Variants in LMAN2L observed in about 807,000 individuals in gnomAD.
LMAN2L encodes the protein VIP36-like protein.
Under a neutral mutation model 44.3 loss-of-function variants are expected in LMAN2L, and 30 were observed. That is an observed-to-expected ratio of 0.68 (90% CI 0.51 to 0.92). The LOEUF is 0.92. LMAN2L is among the 40% of genes least tolerant of loss of function. LMAN2L has a pLI of 0.00. For missense variants in LMAN2L, 429 were observed against 446.1 expected, an observed-to-expected ratio of 0.96 and a Z score of 0.35; for synonymous variants, 183 against 171.1, an observed-to-expected ratio of 1.07 and a Z score of -0.54.
intron 4 of LMAN2L, among the ~76,000 whole-genome samples, chr2:96,729,445 T>C (rs1037212749): frequency 1.3e-5 from 2 of 151,954 alleles, no homozygotes; most frequent in Non-Finnish European, 2.9e-5. Context: ...ATTAAGACAA[T>C]ATTTGCAAAG....
intron 4 of LMAN2L, chr2:96,713,251 C>T: frequency 1.2e-6 from 1 of 858,562 alleles, no homozygotes. Flanking sequence ...GATGGATGAA[C>T]AAACCAACTT....
intron 4 of LMAN2L, among the ~76,000 whole-genome samples, chr2:96,725,474 G>A (rs1325670351): frequency 4.1e-5 from 6 of 145,484 alleles, no homozygotes; most frequent in Admixed American, 2.1e-4. Context: ...ACGGAGTCTC[G>A]TTCTGTCACC....
intron 4 of LMAN2L, chr2:96,713,226 C>T: frequency 8.6e-7 from 1 of 1,165,648 alleles, no homozygotes; most frequent in Non-Finnish European, 1.2e-6. Context: ...CACAGAAGAG[C>T]TATGACCCAG....
At chr2:96,739,745 C>T in intron 1 of LMAN2L, 109 bp downstream of exon 1, 1 of 1,148,680 alleles carries the variant, frequency 8.7e-7, no homozygotes, top group South Asian at 1.3e-5. Flanking sequence ...CCACCACCGC[C>T]AGCAGTTTCC....
intron 4 of LMAN2L, among the ~76,000 whole-genome samples, chr2:96,720,831 C>T (rs1285583634): frequency 1.3e-5 from 2 of 151,950 alleles, no homozygotes; most frequent in East Asian, 1.9e-4. Flanking sequence ...CCCAGCTACT[C>T]GGAATGCTGA....
intron 4 of LMAN2L, among the ~76,000 whole-genome samples, chr2:96,713,757 T>C (rs2077978313): frequency 1.3e-5 from 2 of 152,370 alleles, no homozygotes; most frequent in South Asian, 2.1e-4. Context: ...AAATAACTAT[T>C]GTCATTCTAA....
chr2:96,722,335 T>C (rs939979063), intron 4 of LMAN2L, among the ~76,000 whole-genome samples: 4 of 151,930 alleles, frequency 2.6e-5, no homozygotes, highest in Non-Finnish European at 4.4e-5. Flanking sequence ...CTCACCATGA[T>C]GTAGAAATCA....
chr2:96,739,107 C>A (rs553697869), intron 1 of LMAN2L, among the ~76,000 whole-genome samples: 25 of 152,292 alleles, frequency 1.6e-4, no homozygotes, highest in African/African-American at 5.8e-4. Context: ...CTATAAACTT[C>A]TTTAAGAATG....
At chr2:96,731,778 C>G (rs1009507203) in intron 4 of LMAN2L, among the ~76,000 whole-genome samples, 6 of 151,964 alleles carry the variant, frequency 3.9e-5, no homozygotes, top group Non-Finnish European at 8.8e-5. Context: ...TGGTGACAGT[C>G]TTGCTCTGTT....
chr2:96,713,609 C>T (rs994533072), intron 4 of LMAN2L, among the ~76,000 whole-genome samples: 1 of 152,196 alleles, frequency 6.6e-6, no homozygotes, highest in Non-Finnish European at 1.5e-5. Flanking sequence ...AAATTCAAGA[C>T]ATCCTTTACT....
At chr2:96,707,476 GC>G in intron 7 of LMAN2L, 78 bp from the exon 8 acceptor site, 1 of 1,471,520 alleles carries the variant, frequency 6.8e-7, no homozygotes, top group South Asian at 1.3e-5. Flanking sequence ...AGGCTGTCCG[GC>G]CCCCAGTTTC....
At chr2:96,712,161 C>T (rs1380033480) in intron 4 of LMAN2L, 136 bp from the exon 5 acceptor site, 2 of 811,036 alleles carry the variant, frequency 2.5e-6, no homozygotes, top group South Asian at 3.4e-5. Context: ...TCATTGTCAG[C>T]AGCCCCTGAG....
At chr2:96,712,827 C>T (rs2077956896) in intron 4 of LMAN2L, among the ~76,000 whole-genome samples, 1 of 152,208 alleles carries the variant, frequency 6.6e-6, no homozygotes, top group South Asian at 2.1e-4. Context: ...AGGAGCAATT[C>T]TTCCTTAGAA....
intron 4 of LMAN2L, chr2:96,713,173 G>A (rs1040148687): frequency 2.7e-5 from 41 of 1,545,708 alleles, no homozygotes; most frequent in Non-Finnish European, 2.6e-5. Flanking sequence ...ATAAAAACAA[G>A]AGAGGGCACA....
chr2:96,718,870 GA>G (rs1162439174), intron 4 of LMAN2L, among the ~76,000 whole-genome samples: 1 of 152,184 alleles, frequency 6.6e-6, no homozygotes, highest in African/African-American at 2.4e-5. Flanking sequence ...GGAGGACACA[GA>G]AAAGTGGCAC....
chr2:96,737,456 C>G (rs1249879606), intron 2 of LMAN2L, among the ~76,000 whole-genome samples: 1 of 152,128 alleles, frequency 6.6e-6, no homozygotes, highest in Non-Finnish European at 1.5e-5. Context: ...TTGAGACCAG[C>G]CTGGGCAACA....
chr2:96,723,216 A>C (rs2078196369), intron 4 of LMAN2L, among the ~76,000 whole-genome samples: 1 of 152,188 alleles, frequency 6.6e-6, no homozygotes, highest in Admixed American at 6.5e-5. Flanking sequence ...CAACACTTCT[A>C]ATCTTTTTTA....
chr2:96,723,193 T>C (rs2078195934), intron 4 of LMAN2L, among the ~76,000 whole-genome samples: 2 of 152,214 alleles, frequency 1.3e-5, no homozygotes, highest in African/African-American at 4.8e-5. Flanking sequence ...TTCCAATTAC[T>C]CCATATCCTT....
At chr2:96,728,884 A>G (rs1248032171) in intron 4 of LMAN2L, among the ~76,000 whole-genome samples, 1 of 151,288 alleles carries the variant, frequency 6.6e-6, no homozygotes, top group Non-Finnish European at 1.5e-5. Flanking sequence ...AAAATAAAAT[A>G]AAATAAGGCC....
Sources: gnomAD v4.1 joint callset for allele counts (sites outside exome capture counted in the v4.1 genomes callset) on GRCh38, gnomAD v4.1.1 for gene constraint, MANE v1.5 for transcripts, NCBI Gene and HGNC (gene_info 2026-07-23, HGNC 2026-07-21) for gene names.